The following ESR1 variants were observed in gnomAD, a reference collection of about 807,000 sequenced individuals.
ESR1 encodes estrogen receptor 1.
ESR1 carries 12 observed loss-of-function variants against 52.7 expected under a neutral mutation model. That is an observed-to-expected ratio of 0.23 (90% CI 0.15 to 0.37). The LOEUF is 0.37. Among genes scored for constraint, ESR1 ranks in the 10% least tolerant of loss-of-function variants. ESR1 has a pLI of 1.00. For missense variants in ESR1, 584 were observed against 779.7 expected (o/e 0.75, Z 2.99); for synonymous variants, 305 against 316.8 (o/e 0.96, Z 0.39).
At chr6:151,827,344 C>CAAAAA (rs11407983) in intron 1 of ESR1, among the ~76,000 whole-genome samples, 1 of 75,868 alleles carries the variant, frequency 1.3e-5, no homozygotes, top group African/African-American at 4.1e-5. Context: ...GACCCTGTCT[C>CAAAAA]AAAAAAAAAA....
At chr6:151,801,328 T>G (rs1365368606), upstream of ESR1, among the ~76,000 whole-genome samples, 1 of 152,206 alleles carries the variant, frequency 6.6e-6, no homozygotes, top group African/African-American at 2.4e-5. Flanking sequence ...GCAACATAGG[T>G]ACATTATATA....
At chr6:151,667,727 C>G (rs1777880337) in intron 1 of ESR1, among the ~76,000 whole-genome samples, 1 of 152,118 alleles carries the variant, frequency 6.6e-6, no homozygotes, top group African/African-American at 2.4e-5. Context: ...AGCGACAAAG[C>G]ATTTCTATGG....
intron 1 of ESR1, among the ~76,000 whole-genome samples, chr6:151,699,450 A>T (rs1421213362): frequency 6.6e-6 from 1 of 152,198 alleles, no homozygotes; most frequent in African/African-American, 2.4e-5. Context: ...ATTTATCAAA[A>T]CTATTCTCAG....
Position 152,098,949 on chromosome 6 carries a change from T to C in ESR1, c.1771T>C (p.Phe591Leu), listed in dbSNP as rs1343738218. ...KYYITGEAEG[F>L]PATV ...TTACATCACGGGGGAGGCAGAGGGT[T>C]TCCCTGCCACGGTCTGAGAGCTCCC... The change falls in exon 8 of 8, where the codon TTC becomes CTC. Residue 591 changes from phenylalanine to leucine, a missense_variant. Transcript: ENST00000206249. This position sits in a 1 kb window ranked among gnomAD's most constrained non-coding sequence, Gnocchi z 5.1. 2 of 1,613,908 alleles carry C rather than the reference T, an allele frequency of 1.2e-6. No individual in the cohort carries two copies. The highest frequency in any genetic ancestry group is 1.7e-6 in the Non-Finnish European group (2 of 1,179,782).
At chr6:152,012,101 C>T (rs2042827684) in intron 5 of ESR1, among the ~76,000 whole-genome samples, 1 of 150,572 alleles carries the variant, frequency 6.6e-6, no homozygotes, top group African/African-American at 2.4e-5. Context: ...TTTCTAACTC[C>T]ATCTTCAACT....
intron 2 of ESR1, among the ~76,000 whole-genome samples, chr6:151,844,841 C>A (rs538127506): frequency 6.6e-6 from 1 of 152,028 alleles, no homozygotes; most frequent in South Asian, 2.1e-4. Context: ...CATAATACCA[C>A]AAAATTTAAA....
rs200960801 is a variant in ESR1, at chr6:151,944,488, A to C, written c.1076A>C (p.Asn359Thr). ...LADRELVHMI[N>T]WAKRVPGFVD... ...GACAGGGAGCTGGTTCACATGATCAACTGGGCGAAGAGGGTGCCAGGTAAG... is the reference window on the plus strand; with the variant it reads ...GACAGGGAGCTGGTTCACATGATCACCTGGGCGAAGAGGGTGCCAGGTAAG... Residue 359 changes from asparagine to threonine, a missense_variant, in exon 4 of 8, where the codon AAC (asparagine) becomes ACC (threonine). Asn to Thr is a moderately conservative substitution (Grantham distance 65). Transcript: ENST00000206249. The C allele has an allele frequency of 6.2e-7, 1 of 1,614,232 alleles. No individual in the cohort carries two copies.
At chr6:152,021,193 C>T (rs1019848012) in intron 5 of ESR1, among the ~76,000 whole-genome samples, 5 of 152,038 alleles carry the variant, frequency 3.3e-5, no homozygotes, top group Non-Finnish European at 5.9e-5. Flanking sequence ...CAGCTGCCAG[C>T]GAATATAAGG....
chr6:151,855,736 T>A (rs1230079695), intron 2 of ESR1, among the ~76,000 whole-genome samples: 1 of 151,948 alleles, frequency 6.6e-6, no homozygotes, highest in East Asian at 1.9e-4. Flanking sequence ...CAAAGCAGCA[T>A]AATGGGAAAA....
intron 2 of ESR1, among the ~76,000 whole-genome samples, chr6:151,746,483 C>A (rs1455309263): frequency 6.6e-6 from 1 of 152,214 alleles, no homozygotes; most frequent in African/African-American, 2.4e-5. Context: ...AAAAGTCAAA[C>A]CTTTTTAATA....
chr6:151,833,300 T>C (rs2128218567), intron 1 of ESR1, among the ~76,000 whole-genome samples: 1 of 152,308 alleles, frequency 6.6e-6, no homozygotes, highest in East Asian at 1.9e-4. Flanking sequence ...GTCTTTTGGG[T>C]GGGACATTCA....
At chr6:151,943,638 C>G (rs2035365609) in intron 3 of ESR1, among the ~76,000 whole-genome samples, 1 of 152,160 alleles carries the variant, frequency 6.6e-6, no homozygotes, top group Non-Finnish European at 1.5e-5. Context: ...GCAAGTCATT[C>G]TTATTTAGTC....
chr6:151,731,088 GC>G (rs1197679114), intron 2 of ESR1, among the ~76,000 whole-genome samples: 1 of 152,098 alleles, frequency 6.6e-6, no homozygotes, highest in Non-Finnish European at 1.5e-5. Flanking sequence ...GGACGCAGTG[GC>G]CATGTCTGTA....
chr6:152,067,404 C>T (rs1430357502), intron 6 of ESR1, among the ~76,000 whole-genome samples: 1 of 152,216 alleles, frequency 6.6e-6, no homozygotes, highest in Non-Finnish European at 1.5e-5. Context: ...TTCAGCACCT[C>T]AGGAGGAGAA....
chr6:152,066,446 T>C (rs956100266), intron 6 of ESR1, among the ~76,000 whole-genome samples: 6 of 152,234 alleles, frequency 3.9e-5, no homozygotes, highest in African/African-American at 1.4e-4. Context: ...TGAAGGTTTC[T>C]GACAGGAACG....
chr6:151,899,362 C>A (rs1796199508), intron 3 of ESR1, among the ~76,000 whole-genome samples: 1 of 124,210 alleles, frequency 8.1e-6, no homozygotes. Context: ...GACCCCCCCA[C>A]CTCCTTCCCG....
intron 2 of ESR1, among the ~76,000 whole-genome samples, chr6:151,863,965 A>G (rs1487885234): frequency 1.3e-5 from 2 of 152,212 alleles, no homozygotes; most frequent in African/African-American, 2.4e-5. Flanking sequence ...ACCCTAGAAG[A>G]AAACCTAGGC....
chr6:151,945,854 C>T (rs187323532), intron 4 of ESR1, among the ~76,000 whole-genome samples: 5 of 152,144 alleles, frequency 3.3e-5, no homozygotes, highest in East Asian at 1.9e-4. Flanking sequence ...ACATGTGGGC[C>T]GTAGAATAAG....
intron 2 of ESR1, among the ~76,000 whole-genome samples, chr6:151,775,839 T>C (rs1785939404): frequency 1.3e-5 from 2 of 151,872 alleles, no homozygotes; most frequent in African/African-American, 2.4e-5. Flanking sequence ...ACAGAAGATA[T>C]TGTTCAAGGC....
Sources: allele counts gnomAD v4.1 joint callset (sites outside exome capture counted in the v4.1 genomes callset), GRCh38; gene constraint gnomAD v4.1.1; non-coding constraint Gnocchi (gnomAD v3.1); transcripts MANE v1.5; gene names NCBI Gene and HGNC (gene_info 2026-07-23, HGNC 2026-07-21).